The following CAMKMT variants were observed in gnomAD, a reference collection of about 807,000 sequenced individuals.
CAMKMT encodes the protein CaM KMT.
In CAMKMT, 53 loss-of-function variants were observed where a neutral mutation model predicts 48.0. The observed-to-expected ratio is 1.10, with a 90% CI of 0.89 to 1.39. The LOEUF is 1.39. CAMKMT is among the 40% of genes most tolerant of loss of function. The probability of loss-of-function intolerance (pLI) is 0.00; values close to 1 mark genes in which losing one functional copy is unlikely to be tolerated. For missense variants in CAMKMT, 428 were observed against 402.7 expected, an observed-to-expected ratio of 1.06 and a Z score of -0.54; for synonymous variants, 165 against 152.3, an observed-to-expected ratio of 1.08 and a Z score of -0.61.
At chr2:44,613,806 T>C (rs1671723566) in intron 3 of CAMKMT, among the ~76,000 whole-genome samples, 1 of 152,192 alleles carries the variant, frequency 6.6e-6, no homozygotes, top group South Asian at 2.1e-4. Context: ...TAAAGAGTAT[T>C]GGAGGAAGCA....
intron 2 of CAMKMT, among the ~76,000 whole-genome samples, chr2:44,374,221 C>A (rs949332866): frequency 6.6e-6 from 1 of 150,754 alleles, no homozygotes; most frequent in African/African-American, 2.4e-5. Flanking sequence ...TTATGAGATT[C>A]TCATTAGGAT....
chr2:44,679,533 G>T (rs1021025767), intron 3 of CAMKMT, among the ~76,000 whole-genome samples: 4 of 152,214 alleles, frequency 2.6e-5, no homozygotes, highest in African/African-American at 7.2e-5. Context: ...CGAGGGGAAA[G>T]AAATGCCATT....
At chr2:44,708,211 A>ATTTTTTTTT (rs59281575) in intron 6 of CAMKMT, among the ~76,000 whole-genome samples, 897 of 68,148 alleles carry the variant, frequency 0.013, 133 homozygotes, top group South Asian at 0.027. Flanking sequence ...TTTGCTTTGG[A>ATTTTTTTTT]TTTTTTTTTT....
chr2:44,720,083 C>T (rs1181077045), intron 7 of CAMKMT, among the ~76,000 whole-genome samples: 3 of 152,080 alleles, frequency 2.0e-5, no homozygotes, highest in Admixed American at 6.6e-5. Context: ...TATAGATGGG[C>T]TCATATCCCT....
chr2:44,509,794 G>A (rs897134758), intron 3 of CAMKMT, among the ~76,000 whole-genome samples: 1 of 152,162 alleles, frequency 6.6e-6, no homozygotes, highest in African/African-American at 2.4e-5. Flanking sequence ...TTGTTATAAA[G>A]TGAGGCTACC....
At chr2:44,551,247 G>C (rs1667700966) in intron 3 of CAMKMT, among the ~76,000 whole-genome samples, 1 of 152,018 alleles carries the variant, frequency 6.6e-6, no homozygotes, top group South Asian at 2.1e-4. Flanking sequence ...GCAGTGCGTG[G>C]GCATGCCTTC....
intron 7 of CAMKMT, among the ~76,000 whole-genome samples, chr2:44,719,763 C>A (rs1240695170): frequency 6.6e-6 from 1 of 152,122 alleles, no homozygotes. Context: ...CAGGCATGCG[C>A]ATGTAGTGTC....
intron 3 of CAMKMT, among the ~76,000 whole-genome samples, chr2:44,442,228 C>A (rs939353899): frequency 6.6e-6 from 1 of 152,074 alleles, no homozygotes; most frequent in Non-Finnish European, 1.5e-5. Context: ...CTTTCATTTG[C>A]CTTGCAAACC....
chr2:44,600,375 T>TCC (rs1670914929), intron 3 of CAMKMT, among the ~76,000 whole-genome samples: 1 of 151,920 alleles, frequency 6.6e-6, no homozygotes, highest in South Asian at 2.1e-4. Flanking sequence ...CAGGTGATCC[T>TCC]CCCACCTCAG....
intron 7 of CAMKMT, among the ~76,000 whole-genome samples, chr2:44,720,886 A>G (rs1228437497): frequency 6.6e-6 from 1 of 152,128 alleles, no homozygotes; most frequent in Non-Finnish European, 1.5e-5. Context: ...TTTCACTAGC[A>G]TTTTTATTTC....
intron 10 of CAMKMT, among the ~76,000 whole-genome samples, chr2:44,768,709 C>T (rs1434183212): frequency 6.6e-6 from 1 of 152,204 alleles, no homozygotes; most frequent in Non-Finnish European, 1.5e-5. Context: ...GAGCCTCCAC[C>T]CTGGCGGCTT....
intron 3 of CAMKMT, among the ~76,000 whole-genome samples, chr2:44,465,179 G>T (rs1173281271): frequency 1.3e-5 from 2 of 152,114 alleles, no homozygotes; most frequent in African/African-American, 4.8e-5. Flanking sequence ...TGTGATTTAA[G>T]TTATCAGTTT....
At chr2:44,485,761 C>CAA (rs769640462) in intron 3 of CAMKMT, among the ~76,000 whole-genome samples, 1 of 152,100 alleles carries the variant, frequency 6.6e-6, no homozygotes, top group Non-Finnish European at 1.5e-5. Context: ...CTTCTCTTAC[C>CAA]AAAACATCCT....
chr2:44,537,075 G>C (rs1666816350), intron 3 of CAMKMT, among the ~76,000 whole-genome samples: 1 of 152,140 alleles, frequency 6.6e-6, no homozygotes, highest in African/African-American at 2.4e-5. Context: ...TGAAAACATA[G>C]GGGAAACAGT....
intron 3 of CAMKMT, among the ~76,000 whole-genome samples, chr2:44,576,327 T>TAAAAAAAA (rs569571059): frequency 1.3e-5 from 1 of 76,694 alleles, no homozygotes; most frequent in African/African-American, 4.5e-5. Context: ...AAACTCTGTC[T>TAAAAAAAA]AAAAAAAAAA....
chr2:44,456,526 C>T (rs1667571389), intron 3 of CAMKMT: 2 of 1,544,456 alleles, frequency 1.3e-6, no homozygotes, highest in East Asian at 4.9e-5. Flanking sequence ...TTAACTACAG[C>T]CAAGTTTACC....
intron 3 of CAMKMT, among the ~76,000 whole-genome samples, chr2:44,604,751 G>A (rs1233966015): frequency 1.3e-5 from 2 of 151,946 alleles, no homozygotes; most frequent in South Asian, 2.1e-4. Context: ...TTGTTGCTGA[G>A]GGTGCTTATA....
intron 3 of CAMKMT, among the ~76,000 whole-genome samples, chr2:44,642,882 C>T (rs1215864486): frequency 6.6e-6 from 1 of 152,146 alleles, no homozygotes; most frequent in Non-Finnish European, 1.5e-5. Context: ...AAAGATAGAA[C>T]ATACAATTAC....
chr2:44,743,378 A>G (rs548057894), intron 7 of CAMKMT, among the ~76,000 whole-genome samples: 13 of 152,346 alleles, frequency 8.5e-5, no homozygotes, highest in East Asian at 5.8e-4. Context: ...TTTGTCTACA[A>G]AAACCTATAA....
Sources: allele counts gnomAD v4.1 joint callset (sites outside exome capture counted in the v4.1 genomes callset), GRCh38; gene constraint gnomAD v4.1.1; transcripts MANE v1.5; gene names NCBI Gene and HGNC (gene_info 2026-07-23, HGNC 2026-07-21).